The following USH2A variants were observed in gnomAD, a reference collection of about 807,000 sequenced individuals.
USH2A encodes usherin.
In USH2A, 443 loss-of-function variants were observed where a neutral mutation model predicts 538.9. That is an observed-to-expected ratio of 0.82 (90% CI 0.76 to 0.89). USH2A has a LOEUF of 0.89. USH2A is among the 40% of genes least tolerant of loss of function. The pLI is 0.00. For synonymous variants in USH2A, 2,413 were observed against 2,273.5 expected (o/e 1.06, Z -1.75); for missense variants, 6,633 against 6,324.8 (o/e 1.05, Z -1.65).
intron 32 of USH2A, among the ~76,000 whole-genome samples, chr1:216,039,217 C>G (rs946094833): frequency 2.6e-5 from 4 of 151,952 alleles, no homozygotes; most frequent in African/African-American, 9.7e-5. Flanking sequence ...ACCCAAAGAT[C>G]TGGTATATAG....
intron 64 of USH2A, among the ~76,000 whole-genome samples, chr1:215,654,829 T>C (rs1657190660): frequency 6.6e-6 from 1 of 152,236 alleles, no homozygotes; most frequent in Non-Finnish European, 1.5e-5. Context: ...TTATGCTTGT[T>C]GTTCATTAAA....
chr1:216,371,195 C>T (rs1270019613), intron 3 of USH2A, among the ~76,000 whole-genome samples: 2 of 152,170 alleles, frequency 1.3e-5, no homozygotes, highest in African/African-American at 4.8e-5. Context: ...ATTGAGACTG[C>T]ACCAAACAAA....
chr1:215,967,312 G>A (rs562048046), intron 36 of USH2A, among the ~76,000 whole-genome samples: 2 of 152,164 alleles, frequency 1.3e-5, no homozygotes, highest in African/African-American at 4.8e-5. Flanking sequence ...GAGACTGCAG[G>A]CGCCCGCCAC....
chr1:215,719,620 GTC>G (rs1659594439), intron 61 of USH2A, among the ~76,000 whole-genome samples: 1 of 152,114 alleles, frequency 6.6e-6, no homozygotes, highest in Non-Finnish European at 1.5e-5. Context: ...ATTTATTCCA[GTC>G]TCTGTTTTTT....
intron 67 of USH2A, 110 bp from the exon 68 acceptor site, chr1:215,640,844 C>CAAAAAAAAAAAAAAA (rs56212994): frequency 4.0e-6 from 2 of 496,794 alleles, no homozygotes; most frequent in South Asian, 2.7e-5. Context: ...CCAATCCAAA[C>CAAAAAAAAAAAAAAA]AAAAAAAAAA....
intron 61 of USH2A, among the ~76,000 whole-genome samples, chr1:215,719,572 G>A (rs548937756): frequency 6.6e-6 from 1 of 152,236 alleles, no homozygotes; most frequent in South Asian, 2.1e-4. Flanking sequence ...AATTAGTACA[G>A]TTGCCTAGAC....
In USH2A at chr1:215,799,215, T is replaced by A; in HGVS notation, c.9740-90A>T. ...ACTTTTATCACAATCATCTTGCAGATCCCAACTGATTGACAGAATTACTAA... is the reference window on the plus strand; with the variant it reads ...ACTTTTATCACAATCATCTTGCAGAACCCAACTGATTGACAGAATTACTAA... On this transcript the variant is annotated intron_variant, in intron 49 of 71. Coordinates refer to ENST00000307340, the MANE Select transcript of USH2A (RefSeq NM_206933.4). 4 of 1,358,500 alleles carry A rather than the reference T, an allele frequency of 2.9e-6. No individual in the cohort carries two copies. In the Admixed American group the frequency reaches 5.9e-5, roughly 20 times the overall value. 84.2% of individuals were successfully genotyped at this position (1,358,500 alleles called of 1,614,324 possible). A position where few individuals can be genotyped will look rare whatever the true frequency, so the allele number is the denominator to read the frequency against.
chr1:216,010,026 C>G (rs1668519264), intron 32 of USH2A, among the ~76,000 whole-genome samples: 2 of 152,152 alleles, frequency 1.3e-5, no homozygotes, highest in South Asian at 4.1e-4. Context: ...GTCTTATACT[C>G]AATATACATT....
intron 43 of USH2A, among the ~76,000 whole-genome samples, chr1:215,867,902 T>TA (rs1558135547): frequency 6.6e-6 from 1 of 152,194 alleles, no homozygotes; most frequent in African/African-American, 2.4e-5. Flanking sequence ...CATTTTTTTT[T>TA]AACCAGTTTT....
rs575244314 is a variant in USH2A, at chr1:215,674,023, T to G, written c.13811+77A>C. 1.6e-5 allele frequency: 26 copies of G among 1,612,588 alleles called. No individual in the cohort carries two copies. In the East Asian group the frequency reaches 5.6e-4, roughly 35 times the overall value. On this transcript the variant is annotated intron_variant, in intron 63 of 71. Coordinates refer to ENST00000307340, the MANE Select transcript of USH2A (RefSeq NM_206933.4). ...TGCATCCCATTTTTAGAGTCTTCAT[T>G]AGAACTGACCAAGGGCTCAGGCAAT... is the stretch of plus-strand genomic sequence containing the variant.
intron 11 of USH2A, among the ~76,000 whole-genome samples, chr1:216,278,184 T>C (rs1290244971): frequency 6.6e-6 from 1 of 152,068 alleles, no homozygotes; most frequent in Non-Finnish European, 1.5e-5. Flanking sequence ...GAGGTATTGG[T>C]ATTTGGCCAA....
rs906917140 is a variant in USH2A at position 215,623,175 on chromosome 1, C to CCAAA, written c.*2602_*2605dup. 5 of 151,898 alleles carry CCAAA rather than the reference C, an allele frequency of 3.3e-5. No homozygotes were observed. The highest frequency in any genetic ancestry group is 4.8e-5 in the African/African-American group (2 of 41,368). 9.4% of individuals were successfully genotyped at this position (151,898 alleles called of 1,614,324 possible). A position where few individuals can be genotyped will look rare whatever the true frequency, so the allele number is the denominator to read the frequency against. ...GTGTATAAAAACAACTGTACTCTTA[C>CCAAA]CAAACAGTTGATATTAAGAATAACA... On this transcript the variant is annotated 3_prime_UTR_variant, in exon 72 of 72. Transcript: ENST00000307340.
intron 16 of USH2A, among the ~76,000 whole-genome samples, chr1:216,205,885 C>T (rs972226993): frequency 3.3e-5 from 5 of 152,104 alleles, no homozygotes; most frequent in Non-Finnish European, 5.9e-5. Context: ...GTATCTAAAA[C>T]ATCTGAGTAA....
chr1:215,650,411 G>A (rs907538521), intron 65 of USH2A, among the ~76,000 whole-genome samples, 181 bp downstream of exon 65: 1 of 152,120 alleles, frequency 6.6e-6, no homozygotes, highest in Non-Finnish European at 1.5e-5. Context: ...CTTTCTGTAT[G>A]TTTCCTCAGG....
chr1:215,666,537 C>A (rs1657609389), intron 64 of USH2A, among the ~76,000 whole-genome samples: 1 of 152,162 alleles, frequency 6.6e-6, no homozygotes, highest in Admixed American at 6.5e-5. Context: ...ACATGAGAAT[C>A]ACCTGGGAAC....
rs750687826 is a variant in USH2A, at chr1:215,888,437, C to T, written c.8212G>A (p.Asp2738Asn). The part of the protein sequence containing the change: ...QPPVVTVLEP[D>N]AVQVTWKPPL... Reference sequence around the variant, plus strand: ...AGTCAGTATCTTACCTGGACTGCATCGGGTTCCAGCACTGTCACCACAGGT... The same window carrying T: ...AGTCAGTATCTTACCTGGACTGCATTGGGTTCCAGCACTGTCACCACAGGT... Residue 2738 changes from aspartate (D) to asparagine (N), a missense_variant, in exon 41 of 72, where the codon GAT (aspartate) becomes AAT (asparagine). Asp to Asn is a conservative substitution (Grantham distance 23). Coordinates refer to ENST00000307340, the MANE Select transcript of USH2A (RefSeq NM_206933.4). The T allele has an allele frequency of 5.0e-6, 8 of 1,613,196 alleles. No homozygotes were observed. Among genetic ancestry groups the T allele is most frequent in the Non-Finnish European group, 5.9e-6 (7 of 1,180,006 alleles).
intron 61 of USH2A, among the ~76,000 whole-genome samples, chr1:215,704,077 C>T (rs544472996): frequency 7.6e-4 from 116 of 152,290 alleles, no homozygotes; most frequent in African/African-American, 2.4e-3. Flanking sequence ...GGGAGTTCCC[C>T]GACCCCTTGC....
At chr1:215,661,391 C>T (rs926676011) in intron 64 of USH2A, among the ~76,000 whole-genome samples, 2 of 152,170 alleles carry the variant, frequency 1.3e-5, no homozygotes, top group African/African-American at 4.8e-5. Context: ...GCTGAATTTC[C>T]TCTCAATGAC....
intron 32 of USH2A, among the ~76,000 whole-genome samples, chr1:216,020,218 T>C (rs1172375603): frequency 6.6e-6 from 1 of 152,230 alleles, no homozygotes; most frequent in African/African-American, 2.4e-5. Context: ...GTTACTTTTG[T>C]GTGACAACTT....
Sources: allele counts gnomAD v4.1 joint callset (sites outside exome capture counted in the v4.1 genomes callset), GRCh38; gene constraint gnomAD v4.1.1; transcripts MANE v1.5; gene names NCBI Gene and HGNC (gene_info 2026-07-23, HGNC 2026-07-21).